The following TRIM22 variants were observed in gnomAD, a reference collection of about 807,000 sequenced individuals.
The protein encoded by TRIM22 is tripartite motif containing 22, also known as E3 ubiquitin-protein ligase TRIM22.
TRIM22 carries 45 observed loss-of-function variants against 53.6 expected under a neutral mutation model. The observed-to-expected ratio is 0.84, with a 90% CI of 0.66 to 1.08. The LOEUF (loss-of-function observed/expected upper bound fraction) is 1.08. TRIM22 is among the 50% of genes least tolerant of loss of function. TRIM22 has a pLI of 0.00. For missense variants in TRIM22, 616 were observed against 590.9 expected (o/e 1.04, Z -0.44); for synonymous variants, 225 against 216.6 (o/e 1.04, Z -0.34).
At chr11:5,699,732 T>G (rs908703906) in intron 4 of TRIM22, among the ~76,000 whole-genome samples, 1 of 150,634 alleles carries the variant, frequency 6.6e-6, no homozygotes, top group East Asian at 1.9e-4. Context: ...TCCTTTTTTT[T>G]TTTTTTTTTA....
chr11:5,696,828 A>G, intron 2 of TRIM22, 173 bp downstream of exon 2: 2 of 663,136 alleles, frequency 3.0e-6, no homozygotes, highest in Non-Finnish European at 4.9e-6. Context: ...ACTGCTGCAC[A>G]TTGTTTTATT....
intron 4 of TRIM22, 108 bp from the exon 5 acceptor site, chr11:5,706,486 A>G (rs1853457737): frequency 3.3e-6 from 3 of 903,564 alleles, no homozygotes; most frequent in Admixed American, 4.8e-5. Flanking sequence ...AGGGTCATAT[A>G]TATAACAAAA....
intron 4 of TRIM22, among the ~76,000 whole-genome samples, chr11:5,702,624 G>A (rs889694561): frequency 1.3e-5 from 2 of 151,838 alleles, no homozygotes; most frequent in African/African-American, 2.4e-5. Flanking sequence ...CTTGAGTAAC[G>A]TTGCTGTCAT....
intron 4 of TRIM22, among the ~76,000 whole-genome samples, chr11:5,704,416 A>G (rs1290817843): frequency 6.6e-6 from 1 of 152,004 alleles, no homozygotes; most frequent in Non-Finnish European, 1.5e-5. Flanking sequence ...GTTTCTTATC[A>G]GTTTTTAGGA....
In TRIM22 at chr11:5,709,136, T is replaced by C. The variant is rs1215657431; in HGVS notation, c.985T>C (p.Cys329Arg). 3 of 1,614,208 alleles carry C rather than the reference T, an allele frequency of 1.9e-6. No individual in the cohort carries two copies. The highest frequency in any genetic ancestry group is 2.5e-6 in the Non-Finnish European group (3 of 1,180,036). ...DQRQVKTVRT[C>R]TFKNSNPCDF... is the part of the protein sequence containing the mutation. ...GAGACAAGTGAAAACTGTACGCACC[T>C]GCACATTTAAGAATTCAAATCCATG... Residue 329 changes from cysteine to arginine, a missense_variant, in exon 8 of 8, where the codon TGC becomes CGC. By Grantham distance (180) the Cys-to-Arg change is radical. Transcript: ENST00000379965.
At chr11:5,700,868 G>A (rs934511267) in intron 4 of TRIM22, among the ~76,000 whole-genome samples, 4 of 151,660 alleles carry the variant, frequency 2.6e-5, no homozygotes, top group Admixed American at 6.6e-5. Context: ...AGATGCACCC[G>A]GCCGAGAAAC....
In TRIM22 at chr11:5,709,730, A is replaced by T; in HGVS notation, c.*82A>T. 1 of 1,179,524 alleles carries T rather than the reference A, an allele frequency of 8.5e-7. No homozygotes were observed. The highest frequency in any genetic ancestry group is 1.2e-6 in the Non-Finnish European group (1 of 836,176). The allele number at this position is 1,179,524 out of a possible 1,614,324, so 73.1% of individuals were successfully genotyped here. A position where few individuals can be genotyped will look rare whatever the true frequency, so the allele number is the denominator to read the frequency against. ...TCTGCACCTGAGTTCATCTCTACTG[A>T]GACCATCTCTTCCTTTCTTTCCCCT... On this transcript the variant is annotated 3_prime_UTR_variant, in exon 8 of 8. Coordinates refer to ENST00000379965, the MANE Select transcript of TRIM22 (RefSeq NM_006074.5).
intron 6 of TRIM22, 53 bp from the exon 7 acceptor site, chr11:5,708,524 C>G: frequency 6.5e-7 from 1 of 1,547,394 alleles, no homozygotes; most frequent in Non-Finnish European, 8.8e-7. Flanking sequence ...AGACAGGTGT[C>G]AGTACTTACT....
rs1343183106 is a variant in TRIM22 at position 5,696,984 on chromosome 11, G to A, written c.424-264G>A. On this transcript the variant is annotated intron_variant, in intron 2 of 7. Transcript: ENST00000379965. ...GTGGGAAGAGTGGCAATGAAAGGACGTCTTTCCTTACTGCAGGGTCTGCTT... is the reference window on the plus strand; with the variant it reads ...GTGGGAAGAGTGGCAATGAAAGGACATCTTTCCTTACTGCAGGGTCTGCTT... 21 of 501,388 alleles carry A rather than the reference G, an allele frequency of 4.2e-5. No individual in the cohort carries two copies. In the East Asian group the frequency reaches 5.0e-4, roughly 12 times the overall value. 31.1% of individuals were successfully genotyped at this position (501,388 alleles called of 1,614,324 possible). A position where few individuals can be genotyped will look rare whatever the true frequency, so the allele number is the denominator to read the frequency against.
intron 4 of TRIM22, among the ~76,000 whole-genome samples, chr11:5,704,498 G>A (rs902234550): frequency 6.6e-6 from 1 of 152,036 alleles, no homozygotes; most frequent in African/African-American, 2.4e-5. Context: ...TGAATTTTAG[G>A]AGTCATTTAT....
chr11:5,702,914 C>A (rs1853395548), intron 4 of TRIM22, among the ~76,000 whole-genome samples: 1 of 152,070 alleles, frequency 6.6e-6, no homozygotes, highest in South Asian at 2.1e-4. Flanking sequence ...GGGTGTTATT[C>A]TTTCAAAACT....
intron 1 of TRIM22, among the ~76,000 whole-genome samples, chr11:5,695,792 T>C (rs1352551321): frequency 6.6e-6 from 1 of 152,166 alleles, no homozygotes; most frequent in Non-Finnish European, 1.5e-5. Flanking sequence ...AAAGCCTGTG[T>C]GCAAGCCCAG....
chr11:5,708,510 G>A (rs1189606411), intron 6 of TRIM22, 67 bp from the exon 7 acceptor site: 20 of 1,467,702 alleles, frequency 1.4e-5, no homozygotes, highest in Non-Finnish European at 1.9e-5. Context: ...CTACTCTGGA[G>A]AAGAGACAGG....
At chr11:5,693,449 G>A (rs1010282692) in intron 1 of TRIM22, among the ~76,000 whole-genome samples, 3 of 151,676 alleles carry the variant, frequency 2.0e-5, no homozygotes, top group South Asian at 2.1e-4. Context: ...GGCCGGGCGC[G>A]GTGGCTCACG....
chr11:5,706,331 A>T (rs543056424), intron 4 of TRIM22, among the ~76,000 whole-genome samples: 20 of 152,214 alleles, frequency 1.3e-4, no homozygotes, highest in Non-Finnish European at 1.5e-5. Context: ...GAGTGTGGGG[A>T]GGAAGGTGGA....
In TRIM22 at chr11:5,709,473, G is replaced by A. The variant is rs1445896375; in HGVS notation, c.1322G>A (p.Cys441Tyr). The A allele has an allele frequency of 6.2e-7, 1 of 1,614,092 alleles. No homozygotes were observed. ...VLTLFMAVPP[C>Y]RIGVFLDYEA... ...ACTCTCTTTATGGCTGTGCCTCCCTGTCGTATTGGGGTTTTCCTAGACTAT... is the reference window on the plus strand; with the variant it reads ...ACTCTCTTTATGGCTGTGCCTCCCTATCGTATTGGGGTTTTCCTAGACTAT... Residue 441 changes from cysteine to tyrosine, a missense_variant, in exon 8 of 8, where the codon TGT (cysteine) becomes TAT (tyrosine). Physicochemically the swap from Cys to Tyr is radical, Grantham distance 194. Coordinates refer to ENST00000379965, the MANE Select transcript of TRIM22 (RefSeq NM_006074.5).
intron 4 of TRIM22, among the ~76,000 whole-genome samples, chr11:5,699,281 T>C (rs920127607): frequency 3.1e-5 from 4 of 128,194 alleles, no homozygotes; most frequent in Non-Finnish European, 4.8e-5. Flanking sequence ...TCCCAGCACT[T>C]TGGGAGGCCG....
At position 5,709,846 on chromosome 11, in the gene TRIM22, G is replaced by A. The variant is rs941634960; in HGVS notation, c.*198G>A. The A allele has an allele frequency of 3.3e-5, 19 of 573,050 alleles. No individual in the cohort carries two copies. The highest frequency in any genetic ancestry group is 1.0e-4 in the South Asian group (4 of 39,874). The allele number at this position is 573,050 out of a possible 1,614,324, so 35.5% of individuals were successfully genotyped here. A position where few individuals can be genotyped will look rare whatever the true frequency, so the allele number is the denominator to read the frequency against. ...TGATTTAAACTGTAATTGTATTGCC[G>A]TACTGTGGGCTGGAAATCCCAAATC... On this transcript the variant is annotated 3_prime_UTR_variant, in exon 8 of 8. Coordinates refer to ENST00000379965, the MANE Select transcript of TRIM22 (RefSeq NM_006074.5).
intron 6 of TRIM22, 46 bp from the exon 7 acceptor site, chr11:5,708,531 T>TA (rs1415490676): frequency 6.4e-7 from 1 of 1,574,192 alleles, no homozygotes; most frequent in African/African-American, 1.4e-5. Flanking sequence ...TGTCAGTACT[T>TA]ACTTATTTGC....
Sources: gnomAD v4.1 joint callset for allele counts (sites outside exome capture counted in the v4.1 genomes callset) on GRCh38, gnomAD v4.1.1 for gene constraint, MANE v1.5 for transcripts, NCBI Gene and HGNC (gene_info 2026-07-23, HGNC 2026-07-21) for gene names.